Variants in SUFU observed in about 807,000 individuals in gnomAD.
SUFU encodes suppressor of fused homolog.
Under a neutral mutation model 58.9 loss-of-function variants are expected in SUFU, and 7 were observed. That is an observed-to-expected ratio of 0.12 (90% confidence interval 0.07 to 0.22). The LOEUF (loss-of-function observed/expected upper bound fraction) is 0.22. Ranked by LOEUF, SUFU falls within the 10% of genes least tolerant of loss-of-function variation. The probability of loss-of-function intolerance (pLI) is 1.00; values close to 1 mark genes in which losing one functional copy is unlikely to be tolerated. For synonymous variants in SUFU, 232 were observed against 254.8 expected, an observed-to-expected ratio of 0.91 and a Z score of 0.85; for missense variants, 451 against 641.3, an observed-to-expected ratio of 0.70 and a Z score of 3.20.
At chr10:102,578,763 C>T (rs1038115648) in intron 3 of SUFU, among the ~76,000 whole-genome samples, 4 of 150,782 alleles carry the variant, frequency 2.7e-5, no homozygotes, top group African/African-American at 4.9e-5. Flanking sequence ...CCCAGCTGCT[C>T]GGGAGGCTGA....
chr10:102,581,866 A>AT (rs1239918304), intron 3 of SUFU, among the ~76,000 whole-genome samples: 1 of 152,000 alleles, frequency 6.6e-6, no homozygotes, highest in East Asian at 1.9e-4. Flanking sequence ...AGGAGTGGAG[A>AT]TTTTTTCTTG....
At chr10:102,581,480 T>C (rs1195727597) in intron 3 of SUFU, among the ~76,000 whole-genome samples, 3 of 152,194 alleles carry the variant, frequency 2.0e-5, no homozygotes, top group Non-Finnish European at 4.4e-5. Flanking sequence ...CGTAAATATA[T>C]TTCTGCTCGT....
At chr10:102,588,013 C>G (rs2063352160) in intron 3 of SUFU, among the ~76,000 whole-genome samples, 1 of 152,186 alleles carries the variant, frequency 6.6e-6, no homozygotes, top group African/African-American at 2.4e-5. Context: ...CCAACTTTAT[C>G]CTTTTGCGTG....
intron 3 of SUFU, among the ~76,000 whole-genome samples, chr10:102,563,647 G>C (rs891457874): frequency 6.6e-6 from 1 of 151,824 alleles, no homozygotes; most frequent in African/African-American, 2.4e-5. Context: ...AGTGAGCCAG[G>C]ATCATGCCAC....
At position 102,617,560 on chromosome 10, in the gene SUFU, G is replaced by C; in HGVS notation, c.1296+132G>C. 7.9e-7 allele frequency: 1 copy of C among 1,273,104 alleles called. No individual in the cohort carries two copies. Among genetic ancestry groups the C allele is most frequent in the Non-Finnish European group, 1.1e-6 (1 of 886,538 alleles). The allele number at this position is 1,273,104 out of a possible 1,614,324, so 78.9% of individuals were successfully genotyped here. On this transcript the variant is annotated intron_variant, in intron 10 of 11. Coordinates refer to ENST00000369902, the MANE Select transcript of SUFU (RefSeq NM_016169.4). The surrounding 1 kb of genome is among the most constrained non-coding windows in gnomAD (Gnocchi z 4.4). ...GTCATGAATGCCTCATGGATTCAGG[G>C]CCTGGGGCCTGTGTGTAGGTATGGA...
At chr10:102,513,822 TGTA>T (rs772587386) in intron 2 of SUFU, among the ~76,000 whole-genome samples, 23 of 152,382 alleles carry the variant, frequency 1.5e-4, no homozygotes, top group Admixed American at 1.0e-3. Flanking sequence ...TGTTGCCACT[TGTA>T]GTATTATTTA....
chr10:102,520,234 T>TTTTTG (rs2062534531), intron 2 of SUFU, among the ~76,000 whole-genome samples: 1 of 102,488 alleles, frequency 9.8e-6, no homozygotes, highest in Non-Finnish European at 2.1e-5. Context: ...TTTTTTTTTT[T>TTTTTG]GAGGCAGAGT....
At chr10:102,538,608 C>T (rs2062767006) in intron 2 of SUFU, among the ~76,000 whole-genome samples, 1 of 152,130 alleles carries the variant, frequency 6.6e-6, no homozygotes, top group South Asian at 2.1e-4. Flanking sequence ...ACCACACACC[C>T]TCTGCTTACC....
intron 8 of SUFU, among the ~76,000 whole-genome samples, chr10:102,604,100 T>A (rs1171130448): frequency 6.6e-6 from 1 of 152,172 alleles, no homozygotes; most frequent in Non-Finnish European, 1.5e-5. Context: ...GCCCTCTCTG[T>A]CACGTTGGCT....
intron 3 of SUFU, among the ~76,000 whole-genome samples, chr10:102,557,916 T>C (rs1173132416): frequency 6.6e-6 from 1 of 152,040 alleles, no homozygotes; most frequent in African/African-American, 2.4e-5. Flanking sequence ...TTTTTTTTTT[T>C]TTGAGACGGA....
rs1416097118 is a variant in SUFU, at chr10:102,633,008, A to T, written c.*2853A>T. ...GGCAGGGACTGGAGAAGCCAAGGGG[A>T]GAGTCTAAAAGGGCTAGAGCATTTT... On this transcript the variant is annotated 3_prime_UTR_variant, in exon 12 of 12. Transcript: ENST00000369902. 8.6e-6 allele frequency: 2 copies of T among 233,166 alleles called. No homozygotes were observed. The highest frequency in any genetic ancestry group is 1.1e-4 in the Admixed American group (2 of 17,772). The allele number at this position is 233,166 out of a possible 1,614,324, so 14.4% of individuals were successfully genotyped here. A position where few individuals can be genotyped will look rare whatever the true frequency, so the allele number is the denominator to read the frequency against.
intron 3 of SUFU, among the ~76,000 whole-genome samples, chr10:102,574,889 T>C (rs2063198001): frequency 6.6e-6 from 1 of 152,010 alleles, no homozygotes; most frequent in Admixed American, 6.6e-5. Flanking sequence ...ACCCTGTCTG[T>C]ACTAAAAATA....
At chr10:102,521,794 C>A (rs2062555105) in intron 2 of SUFU, among the ~76,000 whole-genome samples, 1 of 152,196 alleles carries the variant, frequency 6.6e-6, no homozygotes, top group African/African-American at 2.4e-5. Flanking sequence ...TGGCCTTTTG[C>A]TGTTAAATTC....
intron 3 of SUFU, among the ~76,000 whole-genome samples, chr10:102,567,666 G>C (rs2063105482): frequency 6.6e-6 from 1 of 152,138 alleles, no homozygotes; most frequent in Non-Finnish European, 1.5e-5. Context: ...AGGGAATTCG[G>C]GTGCTTTTAA....
intron 3 of SUFU, among the ~76,000 whole-genome samples, chr10:102,572,327 C>T (rs1012603811): frequency 6.6e-6 from 1 of 151,266 alleles, no homozygotes; most frequent in African/African-American, 2.4e-5. Flanking sequence ...CCGTCTGCCT[C>T]GGCCTCCCAA....
chr10:102,535,496 A>AG lies in SUFU; in HGVS notation c.318-14474_318-14473insG, dbSNP rs537170002. Among the ~76,000 whole-genome samples the AG allele has an allele frequency of 7.0e-3, 1,064 of 151,958 alleles. 8 individuals carry two copies. Among genetic ancestry groups the AG allele is most frequent in the Middle Eastern group, 0.01 (3 of 294 alleles). On this transcript the variant is annotated intron_variant, in intron 2 of 11. Coordinates refer to ENST00000369902, the MANE Select transcript of SUFU (RefSeq NM_016169.4). Reference sequence around the variant, plus strand: ...TGAGACTCCGTCTCAAAAAAAAAAAAAAGAGAAAGAAAAGAAAGAAAAAAG... The same window carrying AG: ...TGAGACTCCGTCTCAAAAAAAAAAAAGAAGAGAAAGAAAAGAAAGAAAAAAG...
chr10:102,534,156 C>T (rs1479314986), intron 2 of SUFU, among the ~76,000 whole-genome samples: 2 of 152,126 alleles, frequency 1.3e-5, no homozygotes, highest in Non-Finnish European at 2.9e-5. Flanking sequence ...GGGCCAGGCG[C>T]GGTGGCTCAC....
intron 3 of SUFU, among the ~76,000 whole-genome samples, chr10:102,562,708 T>C (rs1449645124): frequency 6.6e-6 from 1 of 152,096 alleles, no homozygotes; most frequent in Admixed American, 6.5e-5. Context: ...CTGGACAACA[T>C]GGTGAAACCT....
intron 2 of SUFU, among the ~76,000 whole-genome samples, chr10:102,518,504 A>ACTGTCTGT (rs201333164): frequency 8.2e-4 from 112 of 136,902 alleles, no homozygotes; most frequent in African/African-American, 2.8e-3. Context: ...TATCTATCTA[A>ACTGTCTGT]CTGTCTGTCT....
Sources: gnomAD v4.1 joint callset for allele counts (sites outside exome capture counted in the v4.1 genomes callset) on GRCh38, gnomAD v4.1.1 for gene constraint, Gnocchi (gnomAD v3.1) non-coding constraint, MANE v1.5 for transcripts, NCBI Gene and HGNC (gene_info 2026-07-23, HGNC 2026-07-21) for gene names.